IQGAP2: variants seen among roughly 807,000 people sequenced by gnomAD.
IQGAP2 encodes the protein ras GTPase-activating-like protein IQGAP2.
In IQGAP2, 173 loss-of-function variants were observed where a neutral mutation model predicts 201.3. That is an observed-to-expected ratio of 0.86 (90% CI 0.76 to 0.98). The LOEUF (loss-of-function observed/expected upper bound fraction) is 0.98, where lower values mean the gene tolerates loss of function less well. Among genes scored for constraint, IQGAP2 ranks in the 50% least tolerant of loss-of-function variants. The pLI, the probability that IQGAP2 is intolerant of heterozygous loss-of-function variation, is 0.00. For synonymous variants in IQGAP2, 675 were observed against 673.9 expected, an observed-to-expected ratio of 1.00 and a Z score of -0.03; for missense variants, 1,687 against 1,864.8, an observed-to-expected ratio of 0.90 and a Z score of 1.76.
At position 76,528,365 on chromosome 5, in the gene IQGAP2, ATATAT is replaced by A. The variant is rs1194209301; in HGVS notation, c.147-34026_147-34022del. ...AATAGAAAGTATTCTGCTCTATTTT[ATATAT>A]TATAATTCTTAGCAAAGCACCAGCA... On this transcript the variant is annotated intron_variant, in intron 2 of 35. Transcript: ENST00000274364. 3.4e-5 allele frequency among the ~76,000 whole-genome samples: 4 copies of A among 118,096 alleles called. No individual in the cohort carries two copies. The East Asian group carries it at 1.1e-3, about 32-fold the overall frequency. The allele number at this position is 118,096 out of a possible 152,430, so 77.5% of individuals were successfully genotyped here.
At chr5:76,606,660 G>T (rs1167281289) in intron 12 of IQGAP2, 1 of 154,444 alleles carries the variant, frequency 6.5e-6, no homozygotes, top group Non-Finnish European at 1.4e-5. Context: ...CTTTTTTTCT[G>T]AAATATGACA....
At chr5:76,466,356 G>A (rs978222703) in intron 2 of IQGAP2, among the ~76,000 whole-genome samples, 30 of 151,994 alleles carry the variant, frequency 2.0e-4, no homozygotes, top group African/African-American at 7.3e-4. Context: ...CAAAAATAAA[G>A]TTTATATGGA....
Position 76,671,909 on chromosome 5 carries a change from G to C in IQGAP2, c.2994G>C (p.Leu998=), listed in dbSNP as rs1744361433. ...AAGAGATCATCGACGACAAGTCGCT[G>C]ATTATCAACACAAACCCTGTAGAGG... ...VVKEIIDDKS[L]IINTNPVEVY... is the part of the protein sequence containing the mutation. The change falls in exon 24 of 36, where the codon CTG becomes CTC. Residue 998 remains leucine, a synonymous_variant. Transcript: ENST00000274364. The C allele has an allele frequency of 6.2e-7, 1 of 1,614,132 alleles. No homozygotes were observed. The highest frequency in any genetic ancestry group is 8.5e-7 in the Non-Finnish European group (1 of 1,180,018).
intron 1 of IQGAP2, among the ~76,000 whole-genome samples, chr5:76,422,720 C>T (rs189532502): frequency 4.1e-4 from 62 of 152,304 alleles, no homozygotes; most frequent in African/African-American, 1.5e-3. Flanking sequence ...GAGGACAGGT[C>T]TATGAGAAGG....
chr5:76,698,142 A>G lies in IQGAP2; in HGVS notation c.4362A>G (p.Lys1454=). The stretch of plus-strand genomic sequence containing the variant: ...TAAAGACTTGTTTAGACAACTTAAA[A>G]AGAAAGTAAGTTAAAATCATGTCAT... ...TYIKTCLDNL[K]RKNTRRSIKL... is the part of the protein sequence containing the mutation. The change falls in exon 33 of 36, where the codon AAA becomes AAG. Residue 1454 remains lysine, a synonymous_variant. Transcript: ENST00000274364. The G allele has an allele frequency of 1.3e-6, 2 of 1,569,812 alleles. No homozygotes were observed. The highest frequency in any genetic ancestry group is 1.7e-6 in the Non-Finnish European group (2 of 1,146,772).
chr5:76,547,735 A>G (rs1395236236), intron 2 of IQGAP2, among the ~76,000 whole-genome samples: 1 of 152,210 alleles, frequency 6.6e-6, no homozygotes, highest in Non-Finnish European at 1.5e-5. Flanking sequence ...GCTCATGGTT[A>G]TCTTGTAAAA....
chr5:76,609,918 T>C (rs901149756), intron 12 of IQGAP2, among the ~76,000 whole-genome samples: 1 of 150,238 alleles, frequency 6.7e-6, no homozygotes, highest in Non-Finnish European at 1.5e-5. Flanking sequence ...GATGATAGTT[T>C]ATTTTTTAAT....
intron 2 of IQGAP2, among the ~76,000 whole-genome samples, chr5:76,470,787 A>C (rs1755056064): frequency 6.6e-6 from 1 of 152,034 alleles, no homozygotes; most frequent in Admixed American, 6.6e-5. Context: ...AATAATACTA[A>C]ATGGACTTTT....
intron 9 of IQGAP2, among the ~76,000 whole-genome samples, chr5:76,593,601 G>A (rs371223816): frequency 7.8e-4 from 118 of 152,094 alleles, no homozygotes; most frequent in Middle Eastern, 3.4e-3. Flanking sequence ...CTCCCCTCTG[G>A]CAAAACCTAT....
Position 76,527,074 on chromosome 5 carries a change from C to T in IQGAP2, c.147-35322C>T, listed in dbSNP as rs146870213. On this transcript the variant is annotated intron_variant, in intron 2 of 35. Transcript: ENST00000274364. ...CAATGGAGCTTCAGGGTTTCCTTGTCCCTTGGGTCATGGCTAACACCCCAT... is the reference window on the plus strand; with the variant it reads ...CAATGGAGCTTCAGGGTTTCCTTGTTCCTTGGGTCATGGCTAACACCCCAT... 5.6e-3 allele frequency among the ~76,000 whole-genome samples: 848 copies of T among 152,212 alleles called. 4 individuals are homozygous for T. Among genetic ancestry groups the T allele is most frequent in the Middle Eastern group, 0.014 (4 of 294 alleles).
intron 1 of IQGAP2, among the ~76,000 whole-genome samples, chr5:76,429,805 C>G (rs2150090186): frequency 6.6e-6 from 1 of 151,416 alleles, no homozygotes; most frequent in African/African-American, 2.4e-5. Flanking sequence ...AACCTTCAAT[C>G]CCAAGTTCAC....
At chr5:76,489,578 C>T (rs1371401631) in intron 2 of IQGAP2, among the ~76,000 whole-genome samples, 9 of 152,142 alleles carry the variant, frequency 5.9e-5, no homozygotes, top group Non-Finnish European at 1.2e-4. Flanking sequence ...TCTTGTGCCT[C>T]GGCCTCCCAA....
chr5:76,496,077 G>A (rs1448500278), intron 2 of IQGAP2, among the ~76,000 whole-genome samples: 3 of 152,212 alleles, frequency 2.0e-5, no homozygotes, highest in Admixed American at 2.0e-4. Context: ...CGGAGGCATG[G>A]CACTTCCTTC....
intron 32 of IQGAP2, among the ~76,000 whole-genome samples, chr5:76,696,105 T>C (rs1436518439): frequency 4.6e-5 from 7 of 152,164 alleles, no homozygotes. Flanking sequence ...AAGCAGTTGA[T>C]GACTTTTAAG....
At chr5:76,547,515 A>G in intron 2 of IQGAP2, 1 of 616,716 alleles carries the variant, frequency 1.6e-6, no homozygotes, top group Non-Finnish European at 2.0e-6. Flanking sequence ...TGGGGCAAAG[A>G]CGTGTTAAAA....
intron 3 of IQGAP2, among the ~76,000 whole-genome samples, chr5:76,566,303 G>A (rs1744745925): frequency 6.6e-6 from 1 of 152,152 alleles, no homozygotes; most frequent in African/African-American, 2.4e-5. Flanking sequence ...CCAGGAGATG[G>A]GCTTCTCAGA....
intron 1 of IQGAP2, among the ~76,000 whole-genome samples, chr5:76,434,221 G>C (rs1752531432): frequency 6.6e-6 from 1 of 152,158 alleles, no homozygotes; most frequent in Non-Finnish European, 1.5e-5. Context: ...AGCTTTGGGG[G>C]TACAAGGGTT....
At chr5:76,610,122 T>A (rs1384717792) in intron 12 of IQGAP2, among the ~76,000 whole-genome samples, 6 of 73,266 alleles carry the variant, frequency 8.2e-5, no homozygotes, top group African/African-American at 1.3e-4. Flanking sequence ...ATATTTTTTT[T>A]TTTTTTTTTT....
intron 2 of IQGAP2, among the ~76,000 whole-genome samples, chr5:76,555,987 G>A (rs1743917034): frequency 6.6e-6 from 1 of 152,156 alleles, no homozygotes; most frequent in African/African-American, 2.4e-5. Context: ...ACATTGTCTG[G>A]GGTATATACC....
Sources: allele counts gnomAD v4.1 joint callset (sites outside exome capture counted in the v4.1 genomes callset), GRCh38; gene constraint gnomAD v4.1.1; transcripts MANE v1.5; gene names NCBI Gene and HGNC (gene_info 2026-07-23, HGNC 2026-07-21).